LDB2: variants seen among roughly 807,000 people sequenced by gnomAD.
LDB2 encodes the protein LIM domain-binding protein 2.
Under a neutral mutation model 44.3 loss-of-function variants are expected in LDB2, and 12 were observed. That is an observed-to-expected ratio of 0.27 (90% CI 0.17 to 0.44). The LOEUF is 0.44. Among genes scored for constraint, LDB2 ranks in the 20% least tolerant of loss-of-function variants. The probability of loss-of-function intolerance (pLI) is 1.00; values close to 1 mark genes in which losing one functional copy is unlikely to be tolerated. For missense variants in LDB2, 344 were observed against 473.5 expected, an observed-to-expected ratio of 0.73 and a Z score of 2.54; for synonymous variants, 164 against 174.8, an observed-to-expected ratio of 0.94 and a Z score of 0.49.
intron 2 of LDB2, among the ~76,000 whole-genome samples, chr4:16,671,545 C>G (rs1307691522): frequency 1.3e-5 from 2 of 152,104 alleles, no homozygotes; most frequent in African/African-American, 4.8e-5. Flanking sequence ...AGCCAATTCC[C>G]CAGAGAGTGA....
chr4:16,676,755 T>G (rs1439700748), intron 2 of LDB2, among the ~76,000 whole-genome samples: 1 of 152,062 alleles, frequency 6.6e-6, no homozygotes, highest in Non-Finnish European at 1.5e-5. Context: ...CCAAAACATA[T>G]GGTATAAGCT....
At chr4:16,706,907 C>T (rs1235474356) in intron 2 of LDB2, among the ~76,000 whole-genome samples, 3 of 152,092 alleles carry the variant, frequency 2.0e-5, no homozygotes, top group Non-Finnish European at 4.4e-5. Flanking sequence ...AAGTAGTGTA[C>T]GAGCATAGCC....
chr4:16,889,992 T>C (rs1163277606), intron 1 of LDB2, among the ~76,000 whole-genome samples: 2 of 152,310 alleles, frequency 1.3e-5, no homozygotes, highest in Admixed American at 6.5e-5. Flanking sequence ...TACCTGCAAA[T>C]AAAGCCAGCA....
intron 2 of LDB2, among the ~76,000 whole-genome samples, chr4:16,755,833 G>T (rs976772932): frequency 6.6e-6 from 1 of 152,098 alleles, no homozygotes; most frequent in Non-Finnish European, 1.5e-5. Context: ...TGTCCAGGGC[G>T]GGGGCAGGCA....
At chr4:16,720,958 C>T (rs531926645) in intron 2 of LDB2, among the ~76,000 whole-genome samples, 2 of 152,250 alleles carry the variant, frequency 1.3e-5, no homozygotes, top group African/African-American at 4.8e-5. Context: ...CTCCATCTGT[C>T]ATGGAATGCA....
chr4:16,718,828 A>T, intron 2 of LDB2, among the ~76,000 whole-genome samples: 1 of 152,130 alleles, frequency 6.6e-6, no homozygotes, highest in East Asian at 1.9e-4. Context: ...ATACTCACAG[A>T]ATGTTCTTTT....
intron 1 of LDB2, among the ~76,000 whole-genome samples, chr4:16,865,743 G>C (rs1274304533): frequency 2.0e-5 from 3 of 152,160 alleles, no homozygotes; most frequent in Non-Finnish European, 4.4e-5. Context: ...ATTTGACTTT[G>C]GAGAAACAAA....
At chr4:16,818,748 T>C (rs1781405949) in intron 1 of LDB2, among the ~76,000 whole-genome samples, 2 of 152,146 alleles carry the variant, frequency 1.3e-5, no homozygotes, top group Admixed American at 1.3e-4. Context: ...AAGAAGGAAG[T>C]TGTATATATT....
intron 2 of LDB2, among the ~76,000 whole-genome samples, chr4:16,643,437 A>T (rs992819175): frequency 2.0e-5 from 3 of 152,266 alleles, no homozygotes; most frequent in African/African-American, 7.2e-5. Flanking sequence ...TGCAAGTAAC[A>T]CATTTAGCAT....
At chr4:16,842,692 A>C (rs1786107118) in intron 1 of LDB2, among the ~76,000 whole-genome samples, 1 of 152,212 alleles carries the variant, frequency 6.6e-6, no homozygotes, top group African/African-American at 2.4e-5. Flanking sequence ...CTTACCAACA[A>C]GGCATAAGAG....
intron 1 of LDB2, among the ~76,000 whole-genome samples, chr4:16,794,763 T>G (rs568348672): frequency 1.3e-5 from 2 of 152,262 alleles, no homozygotes; most frequent in Admixed American, 1.3e-4. Flanking sequence ...CAATTTTGGA[T>G]GGGGTTCAAC....
chr4:16,595,870 C>T lies in LDB2; in HGVS notation c.241G>A (p.Gly81Ser), dbSNP rs1432094928. Residue 81 changes from glycine to serine, a missense_variant, in exon 3 of 8, where the codon GGC becomes AGC. Physicochemically the swap from Gly to Ser is moderately conservative, Grantham distance 56 (BLOSUM62 0). Coordinates refer to ENST00000304523, the MANE Select transcript of LDB2 (RefSeq NM_001290.5). ...LEDGPKRYTI[G>S]RTLIPRYFST... The stretch of plus-strand genomic sequence containing the variant: ...AAGTAACGGGGGATGAGGGTCCTGC[C>T]GATAGCTGGGAGAGAAACACAGAGA... 13 of 1,612,580 alleles carry T rather than the reference C, an allele frequency of 8.1e-6. No individual in the cohort carries two copies. The highest frequency in any genetic ancestry group is 1.1e-5 in the Non-Finnish European group (13 of 1,179,320).
intron 1 of LDB2, among the ~76,000 whole-genome samples, chr4:16,874,422 T>C (rs551782238): frequency 9.2e-5 from 14 of 152,318 alleles, no homozygotes; most frequent in Non-Finnish European, 2.1e-4. Context: ...GACTATGATT[T>C]ACCCTCTCTG....
At chr4:16,841,972 C>G (rs1024276117) in intron 1 of LDB2, among the ~76,000 whole-genome samples, 1 of 152,268 alleles carries the variant, frequency 6.6e-6, no homozygotes, top group African/African-American at 2.4e-5. Context: ...CCATCAAGAC[C>G]CTCATGGAAT....
At chr4:16,506,199 G>A in intron 7 of LDB2, 1 of 478,060 alleles carries the variant, frequency 2.1e-6, no homozygotes, top group Non-Finnish European at 3.7e-6. Context: ...GTCACCACAA[G>A]TCATCCAACG....
intron 2 of LDB2, among the ~76,000 whole-genome samples, chr4:16,624,787 T>C (rs912498394): frequency 6.6e-6 from 1 of 152,228 alleles, no homozygotes; most frequent in African/African-American, 2.4e-5. Context: ...ATGAAAGTTT[T>C]GCTAGATTGA....
intron 2 of LDB2, among the ~76,000 whole-genome samples, chr4:16,656,338 T>A (rs1259384785): frequency 6.6e-6 from 1 of 152,002 alleles, no homozygotes; most frequent in Admixed American, 6.6e-5. Flanking sequence ...AAGCAGGGAG[T>A]CAGAAGGAGA....
chr4:16,506,011 A>T (rs1719261115), intron 7 of LDB2: 1 of 1,549,388 alleles, frequency 6.5e-7, no homozygotes. Flanking sequence ...GCAGAATCCA[A>T]GGATTAAACC....
rs534243683 is a variant in LDB2, at chr4:16,579,961, A to G, written c.615+5961T>C. Among the ~76,000 whole-genome samples the G allele has an allele frequency of 1.6e-4, 25 of 152,324 alleles. 1 individual carries two copies. In the East Asian group the frequency reaches 3.7e-3, roughly 22 times the overall value. ...AGACTGTGCACAGAACTCCCAGAGC[A>G]CTGGGGAGAGGCTCCTACCCCAGCT... On this transcript the variant is annotated intron_variant, in intron 5 of 7. Coordinates refer to ENST00000304523, the MANE Select transcript of LDB2 (RefSeq NM_001290.5).
Sources: gnomAD v4.1 joint callset for allele counts (sites outside exome capture counted in the v4.1 genomes callset) on GRCh38, gnomAD v4.1.1 for gene constraint, MANE v1.5 for transcripts, NCBI Gene and HGNC (gene_info 2026-07-23, HGNC 2026-07-21) for gene names.